PCNX1: variants seen among roughly 807,000 people sequenced by gnomAD.
PCNX1 encodes the protein pecanex 1, also known as pecanex-like protein 1.
A neutral mutation model predicts 242.2 loss-of-function variants in PCNX1; 78 were observed. That is an observed-to-expected ratio of 0.32 (90% CI 0.27 to 0.39). The LOEUF is 0.39. PCNX1 is among the 10% of genes least tolerant of loss of function. The probability of loss-of-function intolerance (pLI) is 1.00; values close to 1 mark genes in which losing one functional copy is unlikely to be tolerated. For missense variants in PCNX1, 2,581 were observed against 2,856.5 expected, an observed-to-expected ratio of 0.90 and a Z score of 2.20; for synonymous variants, 1,024 against 1,032.9, an observed-to-expected ratio of 0.99 and a Z score of 0.17.
At chr14:71,069,695 T>G (rs1454822501) in intron 26 of PCNX1, among the ~76,000 whole-genome samples, 2 of 152,358 alleles carry the variant, frequency 1.3e-5, no homozygotes, top group African/African-American at 4.8e-5. Flanking sequence ...CTACATATCT[T>G]AATTTTAAAA....
At chr14:71,018,670 T>A (rs1319220598) in intron 11 of PCNX1, among the ~76,000 whole-genome samples, 8 of 152,194 alleles carry the variant, frequency 5.3e-5, no homozygotes, top group African/African-American at 1.9e-4. Context: ...ATACATATTT[T>A]ATTTGCCATC....
Position 70,978,125 on chromosome 14 carries a change from T to A in PCNX1, c.1788T>A (p.Phe596Leu). 1 of 1,614,158 alleles carries A rather than the reference T, an allele frequency of 6.2e-7. No individual in the cohort carries two copies. The highest frequency in any genetic ancestry group is 8.5e-7 in the Non-Finnish European group (1 of 1,180,022). Residue 596 changes from phenylalanine (F) to leucine (L), a missense_variant, in exon 6 of 36, where the codon TTT (phenylalanine) becomes TTA (leucine). Physicochemically the swap from Phe to Leu is conservative, Grantham distance 22. This residue lies in a region of PCNX1 where 1,204 missense variants were observed against 1,216.7 expected (regional missense o/e 0.99). Transcript: ENST00000304743. ...VSGTKPHSAI[F>L]CHDEDSSDQS... ...GTACCAAGCCACACAGTGCTATATT[T>A]TGTCATGACGAAGACTCTAGTGATC...
rs781124377 is a variant in PCNX1 at position 70,978,196 on chromosome 14, TCAG to T, written c.1863_1865del (p.Ser622del). 20 of 1,614,016 alleles carry T rather than the reference TCAG, an allele frequency of 1.2e-5. No homozygotes were observed. In the African/African-American group the frequency reaches 2.3e-4, roughly 18 times the overall value. ...TCAAGTGTTCAGTCTGCTCACCAGT[TCAG>T]CAGTGATAGCTCTTCTAGCACCACT... On this transcript the variant is annotated inframe_deletion, in exon 6 of 36. Coordinates refer to ENST00000304743, the MANE Select transcript of PCNX1 (RefSeq NM_014982.3).
At chr14:71,029,551 A>G (rs2060325853) in intron 16 of PCNX1, among the ~76,000 whole-genome samples, 1 of 152,248 alleles carries the variant, frequency 6.6e-6, no homozygotes, top group South Asian at 2.1e-4. Context: ...CAAGTCAGCC[A>G]GCATGTTCAA....
At chr14:71,074,874 C>T (rs2061673736) in intron 27 of PCNX1, among the ~76,000 whole-genome samples, 1 of 151,988 alleles carries the variant, frequency 6.6e-6, no homozygotes, top group Admixed American at 6.6e-5. Flanking sequence ...TACAGAAATA[C>T]AGTATGGTTG....
chr14:70,961,213 T>C (rs2058199258), intron 2 of PCNX1, among the ~76,000 whole-genome samples: 1 of 152,074 alleles, frequency 6.6e-6, no homozygotes, highest in Non-Finnish European at 1.5e-5. Context: ...GCCAAGTCAA[T>C]CCTAAGCCAA....
intron 4 of PCNX1, among the ~76,000 whole-genome samples, chr14:70,968,793 T>C (rs903100289): frequency 3.3e-5 from 5 of 152,246 alleles, no homozygotes; most frequent in African/African-American, 1.2e-4. Context: ...TTTTGAAGCT[T>C]TCCACATTGT....
At chr14:71,017,236 G>T (rs376564934) in intron 11 of PCNX1, among the ~76,000 whole-genome samples, 1 of 152,280 alleles carries the variant, frequency 6.6e-6, no homozygotes, top group Admixed American at 6.5e-5. Flanking sequence ...TTGTAGTTTA[G>T]AAACTTTCCC....
In PCNX1 at chr14:71,109,541, T is replaced by C. The variant is rs779671980; in HGVS notation, c.6834T>C (p.Ala2278=). The C allele has an allele frequency of 6.2e-7, 1 of 1,614,076 alleles. No homozygotes were observed. Among genetic ancestry groups the C allele is most frequent in the South Asian group, 1.1e-5 (1 of 91,088 alleles). ...CTGATGAAGGAATCCGGTTAAAAGC[T>C]GGGAGAAATAGCTGGAAAGACTGGA... ...QWPDEGIRLK[A]GRNSWKDWSP... is the part of the protein sequence containing the mutation. Residue 2278 remains alanine (A), a synonymous_variant, in exon 35 of 36, where the codon GCT becomes GCC. Transcript: ENST00000304743.
At chr14:71,003,166 C>T (rs972733821) in intron 8 of PCNX1, among the ~76,000 whole-genome samples, 1 of 144,750 alleles carries the variant, frequency 6.9e-6, no homozygotes, top group African/African-American at 2.6e-5. Flanking sequence ...TCTCTGCTAC[C>T]TCTGCCTCCT....
chr14:71,031,658 C>A (rs1595308130), intron 16 of PCNX1: 1 of 690,842 alleles, frequency 1.4e-6, no homozygotes, highest in Non-Finnish European at 2.7e-6. Flanking sequence ...ACGTCTCTCA[C>A]CGTCAGTAGG....
rs556969383 is a variant in PCNX1 at position 71,108,865 on chromosome 14, A to G, written c.6563A>G (p.His2188Arg). The change falls in exon 34 of 36, where the codon CAC becomes CGC. Residue 2188 changes from histidine to arginine, a missense_variant. Coordinates refer to ENST00000304743, the MANE Select transcript of PCNX1 (RefSeq NM_014982.3). Reference sequence around the variant, plus strand: ...CAGAGCGGCCTGGCCTGTGTGCAGCACGGCCTGCCTTCCTCCAGCAGCTCC... The same window carrying G: ...CAGAGCGGCCTGGCCTGTGTGCAGCGCGGCCTGCCTTCCTCCAGCAGCTCC... ...SGQSGLACVQHGLPSSSSSSQ... is the reference protein window; with the variant it reads ...SGQSGLACVQRGLPSSSSSSQ... 29 of 1,614,246 alleles carry G rather than the reference A, an allele frequency of 1.8e-5. No individual in the cohort carries two copies. The highest frequency in any genetic ancestry group is 2.4e-5 in the Non-Finnish European group (28 of 1,180,044).
chr14:71,036,473 C>T (rs2060536599), intron 19 of PCNX1, among the ~76,000 whole-genome samples: 1 of 152,168 alleles, frequency 6.6e-6, no homozygotes, highest in East Asian at 1.9e-4. Flanking sequence ...CTACTTCACC[C>T]AGCCTGTATA....
In PCNX1 at chr14:71,008,958, A is replaced by T. The variant is rs1476533404; in HGVS notation, c.2630-676A>T. ...TTATAAAGTTCATCTTAAGAGAATT[A>T]AAAAAATCTGTATTCATTTGCAACA... On this transcript the variant is annotated intron_variant, in intron 8 of 35. Transcript: ENST00000304743. Among the ~76,000 whole-genome samples the T allele has an allele frequency of 1.1e-4, 17 of 152,286 alleles. No homozygotes were observed. The East Asian group carries it at 3.1e-3, about 28-fold the overall frequency.
chr14:71,055,111 A>G (rs1259156971), intron 24 of PCNX1, among the ~76,000 whole-genome samples: 4 of 152,232 alleles, frequency 2.6e-5, no homozygotes, highest in Non-Finnish European at 5.9e-5. Context: ...TACTGTTCCA[A>G]AGAACATTGC....
At chr14:70,935,000 G>A (rs533937782) in intron 1 of PCNX1, among the ~76,000 whole-genome samples, 2 of 76,362 alleles carry the variant, frequency 2.6e-5, no homozygotes, top group Non-Finnish European at 6.1e-5. Context: ...ACAGACCGGT[G>A]TGTATGCACT....
At chr14:71,026,735 A>G (rs1243909336) in intron 14 of PCNX1, 37 bp from the exon 15 acceptor site, 3 of 960,928 alleles carry the variant, frequency 3.1e-6, no homozygotes, top group Admixed American at 1.9e-5. Context: ...TGGATACAGT[A>G]TAATATTTTA....
At chr14:71,076,821 G>C (rs1267978611) in intron 28 of PCNX1, among the ~76,000 whole-genome samples, 2 of 152,218 alleles carry the variant, frequency 1.3e-5, no homozygotes, top group Non-Finnish European at 2.9e-5. Context: ...CTGGCTAATG[G>C]ACTTTCTGCA....
intron 8 of PCNX1, among the ~76,000 whole-genome samples, chr14:70,997,040 A>G (rs1483259441): frequency 1.3e-5 from 2 of 152,192 alleles, no homozygotes; most frequent in Non-Finnish European, 2.9e-5. Context: ...AAATAAAATG[A>G]GAAAGCAATA....
Sources: gnomAD v4.1 joint callset for allele counts (sites outside exome capture counted in the v4.1 genomes callset) on GRCh38, gnomAD v4.1.1 for gene constraint, gnomAD v4.1.1 regional missense constraint, MANE v1.5 for transcripts, NCBI Gene and HGNC (gene_info 2026-07-23, HGNC 2026-07-21) for gene names.